PPM1E: variants seen among roughly 807,000 people sequenced by gnomAD.
PPM1E encodes the protein protein phosphatase, Mg2+/Mn2+ dependent 1E, also known as protein phosphatase 1E.
In PPM1E, 20 loss-of-function variants were observed where a neutral mutation model predicts 65.9. The ratio of observed to expected loss-of-function variants is 0.30; its 90% CI spans 0.21 to 0.44. The LOEUF (loss-of-function observed/expected upper bound fraction) is 0.44. Ranked by LOEUF, PPM1E falls within the 20% of genes least tolerant of loss-of-function variation. PPM1E has a pLI of 1.00. For missense variants in PPM1E, 713 were observed against 953.1 expected, an observed-to-expected ratio of 0.75 and a Z score of 3.32; for synonymous variants, 352 against 374.9, an observed-to-expected ratio of 0.94 and a Z score of 0.70.
intron 1 of PPM1E, among the ~76,000 whole-genome samples, chr17:58,869,537 C>T: frequency 6.6e-6 from 1 of 152,200 alleles, no homozygotes; most frequent in East Asian, 1.9e-4. Flanking sequence ...CACACCAGCT[C>T]CCCTTCTCCT....
At chr17:58,803,883 T>C (rs535872378) in intron 1 of PPM1E, among the ~76,000 whole-genome samples, 31 of 152,356 alleles carry the variant, frequency 2.0e-4, no homozygotes, top group African/African-American at 7.5e-4. Flanking sequence ...TTAAGTTGAA[T>C]AGTAGTGTTT....
At chr17:58,866,921 G>A (rs2051011610) in intron 1 of PPM1E, among the ~76,000 whole-genome samples, 1 of 152,198 alleles carries the variant, frequency 6.6e-6, no homozygotes, top group African/African-American at 2.4e-5. Flanking sequence ...ACAAAAGGAA[G>A]GAGGAACAGA....
At chr17:58,890,760 A>G (rs1214508430) in intron 1 of PPM1E, among the ~76,000 whole-genome samples, 1 of 152,144 alleles carries the variant, frequency 6.6e-6, no homozygotes, top group Non-Finnish European at 1.5e-5. Flanking sequence ...ATCCTATCTC[A>G]GAAACCTTTC....
chr17:58,777,957 T>A (rs1368972745), intron 1 of PPM1E, among the ~76,000 whole-genome samples: 1 of 152,162 alleles, frequency 6.6e-6, no homozygotes, highest in Non-Finnish European at 1.5e-5. Context: ...TGAACCAAGA[T>A]TTTGCTCCAT....
In PPM1E at chr17:58,824,761, T is replaced by G. The variant is rs537059233; in HGVS notation, c.464+68300T>G. Among the ~76,000 whole-genome samples, 7 of 132,120 alleles carry G rather than the reference T, an allele frequency of 5.3e-5. No homozygotes were observed. The South Asian group carries it at 9.2e-4, about 17-fold the overall frequency. 86.7% of individuals were successfully genotyped at this position (132,120 alleles called of 152,430 possible). ...CCGTCACCACGCCTGGCTAATTTTT[T>G]GTATTTTTTGTATTTTTTTTTTTTT... On this transcript the variant is annotated intron_variant, in intron 1 of 6. Transcript: ENST00000308249.
intron 5 of PPM1E, 113 bp from the exon 6 acceptor site, chr17:58,972,719 C>G: frequency 1.0e-6 from 1 of 959,670 alleles, no homozygotes; most frequent in South Asian, 1.4e-5. Flanking sequence ...AATGGAGAAA[C>G]AAAGAGAACC....
Position 58,983,855 on chromosome 17 carries a change from T to C in PPM1E, c.*2824T>C, listed in dbSNP as rs1486853074. On this transcript the variant is annotated 3_prime_UTR_variant, in exon 7 of 7. Transcript: ENST00000308249. ...AATAAATCCAAACAAGAGTGTAATA[T>C]TGGTTAGGGAAACAAACTTCAGGTC... is the stretch of plus-strand genomic sequence containing the variant. 2.6e-5 allele frequency: 4 copies of C among 152,618 alleles called. No individual in the cohort carries two copies. The highest frequency in any genetic ancestry group is 1.5e-5 in the Non-Finnish European group (1 of 68,036). 9.5% of individuals were successfully genotyped at this position (152,618 alleles called of 1,614,324 possible). A position where few individuals can be genotyped will look rare whatever the true frequency, so the allele number is the denominator to read the frequency against.
intron 1 of PPM1E, among the ~76,000 whole-genome samples, chr17:58,945,859 G>T (rs1328269010): frequency 6.6e-6 from 1 of 152,208 alleles, no homozygotes; most frequent in Admixed American, 6.5e-5. Context: ...AATAGGTTCT[G>T]TTGGAGGTGG....
At chr17:58,827,229 C>T (rs1417579269) in intron 1 of PPM1E, among the ~76,000 whole-genome samples, 1 of 150,274 alleles carries the variant, frequency 6.7e-6, no homozygotes, top group East Asian at 2.0e-4. Flanking sequence ...TCTCCGCCTC[C>T]TGGGTTCAAG....
intron 1 of PPM1E, among the ~76,000 whole-genome samples, chr17:58,821,088 T>C (rs967495276): frequency 1.3e-5 from 2 of 152,108 alleles, no homozygotes; most frequent in African/African-American, 4.8e-5. Context: ...CTTAGCTTTG[T>C]ATTTTTGTTT....
chr17:58,910,809 G>A (rs1003872100), intron 1 of PPM1E, among the ~76,000 whole-genome samples: 16 of 152,160 alleles, frequency 1.1e-4, no homozygotes, highest in Non-Finnish European at 2.4e-4. Flanking sequence ...AGGTCAGTTA[G>A]GCTCTGATAA....
chr17:58,956,010 CAGG>C (rs1036271304), intron 2 of PPM1E, among the ~76,000 whole-genome samples: 1 of 151,966 alleles, frequency 6.6e-6, no homozygotes, highest in Non-Finnish European at 1.5e-5. Flanking sequence ...ACTGGAGCAA[CAGG>C]AGATTGTCAT....
intron 1 of PPM1E, among the ~76,000 whole-genome samples, chr17:58,767,020 T>G (rs1218327064): frequency 2.0e-5 from 3 of 152,150 alleles, no homozygotes. Context: ...TTGTGTCTAA[T>G]AAAAACCCTT....
intron 1 of PPM1E, among the ~76,000 whole-genome samples, chr17:58,918,442 A>G (rs568867942): frequency 6.0e-4 from 91 of 152,214 alleles, no homozygotes; most frequent in Non-Finnish European, 9.6e-4. Flanking sequence ...TCTCATTCTG[A>G]CTTGTAATGT....
At position 58,953,702 on chromosome 17, in the gene PPM1E, G is replaced by A. The variant is rs535007793; in HGVS notation, c.465-1947G>A. Among the ~76,000 whole-genome samples, 9 of 150,924 alleles carry A rather than the reference G, an allele frequency of 6.0e-5. No homozygotes were observed. In the South Asian group the frequency reaches 1.5e-3, roughly 25 times the overall value. On this transcript the variant is annotated intron_variant, in intron 1 of 6. Coordinates refer to ENST00000308249, the MANE Select transcript of PPM1E (RefSeq NM_014906.5). Reference sequence around the variant, plus strand: ...TCAAATGCCAGACTAGAATATCCAGGTAACCATTTGACACGTTGACTAGGA... The same window carrying A: ...TCAAATGCCAGACTAGAATATCCAGATAACCATTTGACACGTTGACTAGGA...
At chr17:58,956,293 C>T (rs1254734237) in intron 2 of PPM1E, among the ~76,000 whole-genome samples, 4 of 151,802 alleles carry the variant, frequency 2.6e-5, no homozygotes, top group Non-Finnish European at 5.9e-5. Flanking sequence ...AAAAATTAGC[C>T]GGTGTAGTGG....
At chr17:58,823,146 T>G (rs944143203) in intron 1 of PPM1E, among the ~76,000 whole-genome samples, 10 of 152,228 alleles carry the variant, frequency 6.6e-5, no homozygotes, top group African/African-American at 2.4e-4. Flanking sequence ...ATGTAAGCAC[T>G]TTTTAAACTA....
At chr17:58,965,630 A>G in intron 2 of PPM1E, 64 bp from the exon 3 acceptor site, 1 of 1,514,012 alleles carries the variant, frequency 6.6e-7, no homozygotes, top group Non-Finnish European at 9.1e-7. Context: ...GTCTTTACCA[A>G]GCAGAGAAGT....
intron 1 of PPM1E, among the ~76,000 whole-genome samples, chr17:58,916,990 G>A (rs1043934369): frequency 6.6e-6 from 1 of 152,008 alleles, no homozygotes; most frequent in Non-Finnish European, 1.5e-5. Flanking sequence ...CAGGTGGATT[G>A]CTTGAGGCCA....
Sources: gnomAD v4.1 joint callset for allele counts (sites outside exome capture counted in the v4.1 genomes callset) on GRCh38, gnomAD v4.1.1 for gene constraint, MANE v1.5 for transcripts, NCBI Gene and HGNC (gene_info 2026-07-23, HGNC 2026-07-21) for gene names.